The following KCNJ9 variants were observed in gnomAD, a reference collection of about 807,000 sequenced individuals.
KCNJ9 encodes G protein-activated inward rectifier potassium channel 3.
Under a neutral mutation model 27.9 loss-of-function variants are expected in KCNJ9, and 18 were observed. The observed-to-expected ratio is 0.65, with a 90% confidence interval of 0.45 to 0.96. KCNJ9 has a LOEUF of 0.96. KCNJ9 is among the 40% of genes least tolerant of loss of function. KCNJ9 has a pLI of 0.00. For synonymous variants in KCNJ9, 229 were observed against 248.2 expected (o/e 0.92, Z 0.73); for missense variants, 324 against 557.5 (o/e 0.58, Z 4.22).
chr1:160,087,450 G>T (rs8192542), intron 2 of KCNJ9, 36 bp from the exon 3 acceptor site: 61,369 of 1,556,430 alleles, frequency 0.039, 1,406 homozygotes, highest in Middle Eastern at 0.1. Flanking sequence ...GAAGCCTGGA[G>T]CTGAGATTCC....
chr1:160,088,810 CA>C lies in KCNJ9; in HGVS notation c.*997del. On this transcript the variant is annotated 3_prime_UTR_variant, in exon 3 of 3. Transcript: ENST00000368088. ...CATTCAAAAACCTGGTTCCTGTCCT[CA>C]AAATAAGGGGCACCTGGGAAAACAG... The C allele has an allele frequency of 1.3e-5, 2 of 152,356 alleles. No individual in the cohort carries two copies. The highest frequency in any genetic ancestry group is 6.8e-3 in the Middle Eastern group (2 of 294). 9.4% of individuals were successfully genotyped at this position (152,356 alleles called of 1,614,324 possible). A position where few individuals can be genotyped will look rare whatever the true frequency, so the allele number is the denominator to read the frequency against.
chr1:160,085,904 T>A (rs1216195564), intron 2 of KCNJ9, among the ~76,000 whole-genome samples: 1 of 152,152 alleles, frequency 6.6e-6, no homozygotes, highest in African/African-American at 2.4e-5. Context: ...AGGCTGAGAC[T>A]CCGCTTCACA....
chr1:160,088,928 G>C lies in KCNJ9; in HGVS notation c.*1111G>C, dbSNP rs965445820. ...GGTAGGGGAGTGTGGGTGATCAGAA[G>C]GCTGGGGCCAGTGTAAGGCATAGGG... is the stretch of plus-strand genomic sequence containing the variant. On this transcript the variant is annotated 3_prime_UTR_variant, in exon 3 of 3. Coordinates refer to ENST00000368088, the MANE Select transcript of KCNJ9 (RefSeq NM_004983.3). 2 of 152,288 alleles carry C rather than the reference G, an allele frequency of 1.3e-5. No homozygotes were observed. Among genetic ancestry groups the C allele is most frequent in the African/African-American group, 2.4e-5 (1 of 41,448 alleles). 9.4% of individuals were successfully genotyped at this position (152,288 alleles called of 1,614,324 possible). A position where few individuals can be genotyped will look rare whatever the true frequency, so the allele number is the denominator to read the frequency against.
chr1:160,084,331 G>A lies in KCNJ9; in HGVS notation c.301G>A (p.Val101Ile), dbSNP rs1649737583. Residue 101 changes from valine to isoleucine, a missense_variant, in exon 2 of 3, where the codon GTC becomes ATC. By Grantham distance (29) the Val-to-Ile change is conservative. Transcript: ENST00000368088. ...GGAGGACACCGCGTGGACGCCGTGC[G>A]TCAACAACCTCAACGGCTTCGTGGC... ...HLEDTAWTPC[V>I]NNLNGFVAAF... 3 of 1,613,540 alleles carry A rather than the reference G, an allele frequency of 1.9e-6. No homozygotes were observed. Among genetic ancestry groups the A allele is most frequent in the Non-Finnish European group, 2.5e-6 (3 of 1,179,960 alleles).
Position 160,083,749 on chromosome 1 carries a change from A to G in KCNJ9, c.-114-168A>G, listed in dbSNP as rs557899305. Among the ~76,000 whole-genome samples, 289 of 152,258 alleles carry G rather than the reference A, an allele frequency of 1.9e-3. 1 individual carries two copies. The highest frequency in any genetic ancestry group is 3.5e-3 in the Admixed American group (54 of 15,304). On this transcript the variant is annotated intron_variant, in intron 1 of 2. Coordinates refer to ENST00000368088, the MANE Select transcript of KCNJ9 (RefSeq NM_004983.3). ...TACATCATTCCATTTGACCCTCACA[A>G]CTTTCTGAGCCTGGGGGGCAGTTAG...
At chr1:160,083,788 A>C (rs2101945169) in intron 1 of KCNJ9, 129 bp from the exon 2 acceptor site, 1 of 280,512 alleles carries the variant, frequency 3.6e-6, no homozygotes, top group East Asian at 6.5e-5. Flanking sequence ...TGAATGTGTT[A>C]TTCCCAGAAA....
rs1420375629 is a variant in KCNJ9, at chr1:160,084,581, G to A, written c.551G>A (p.Gly184Glu). The change falls in exon 2 of 3, where the codon GGG becomes GAG. Residue 184 changes from glycine (G) to glutamate (E), a missense_variant. Transcript: ENST00000368088. ...CACGCCGTGGTGTCGCTGCGCGACG[G>A]GCGCCTCTGCCTCATGTTCCGCGTG... Reference protein sequence around the residue: ...SSHAVVSLRDGRLCLMFRVGD... With the variant: ...SSHAVVSLRDERLCLMFRVGD... The A allele has an allele frequency of 1.2e-6, 2 of 1,610,506 alleles. No individual in the cohort carries two copies. Among genetic ancestry groups the A allele is most frequent in the African/African-American group, 1.3e-5 (1 of 74,898 alleles).
At chr1:160,087,371 T>G in intron 2 of KCNJ9, 115 bp from the exon 3 acceptor site, 2 of 1,348,776 alleles carry the variant, frequency 1.5e-6, no homozygotes, top group South Asian at 1.9e-5. Flanking sequence ...CAAAGGGAGG[T>G]GGGAGCCCTT....
rs3001040 is a variant in KCNJ9 at position 160,087,732 on chromosome 1, C to G, written c.1097C>G (p.Ala366Gly). The change falls in exon 3 of 3, where the codon GCG becomes GGG. Residue 366 changes from alanine (A) to glycine (G), a missense_variant. Transcript: ENST00000368088. ...GATGAGAAGGTGGAGGAGGAGGGGG[C>G]GGGGGAGGGGGCGGGTGGGGAAGCT... ...RLDEKVEEEGAGEGAGGEAGA... is the reference protein window; with the variant it reads ...RLDEKVEEEGGGEGAGGEAGA... 1.7e-4 allele frequency: 141 copies of G among 828,426 alleles called. No homozygotes were observed. In the South Asian group the frequency reaches 2.8e-3, roughly 16 times the overall value. The allele number at this position is 828,426 out of a possible 1,614,324, so 51.3% of individuals were successfully genotyped here. A position where few individuals can be genotyped will look rare whatever the true frequency, so the allele number is the denominator to read the frequency against.
At chr1:160,085,712 C>G (rs1372623558) in intron 2 of KCNJ9, among the ~76,000 whole-genome samples, 2 of 152,188 alleles carry the variant, frequency 1.3e-5, no homozygotes, top group Non-Finnish European at 2.9e-5. Flanking sequence ...TTACAGGAGT[C>G]GCAAAGGAGG....
chr1:160,084,402 G>A lies in KCNJ9; in HGVS notation c.372G>A (p.Gly124=). ...SIETETTIGY[G]HRVITDQCPE... ...AGACCGAGACCACCATCGGCTACGG[G>A]CACCGCGTCATCACCGACCAGTGCC... is the stretch of plus-strand genomic sequence containing the variant. Residue 124 remains glycine, a synonymous_variant, in exon 2 of 3, where the codon GGG becomes GGA. Coordinates refer to ENST00000368088, the MANE Select transcript of KCNJ9 (RefSeq NM_004983.3). The A allele has an allele frequency of 6.2e-7, 1 of 1,613,468 alleles. No homozygotes were observed.
In KCNJ9 at chr1:160,084,576, C is replaced by G; in HGVS notation, c.546C>G (p.Arg182=). ...CCTCGCACGCCGTGGTGTCGCTGCGCGACGGGCGCCTCTGCCTCATGTTCC... is the reference window on the plus strand; with the variant it reads ...CCTCGCACGCCGTGGTGTCGCTGCGGGACGGGCGCCTCTGCCTCATGTTCC... ...VFSSHAVVSL[R]DGRLCLMFRV... Residue 182 remains arginine, a synonymous_variant, in exon 2 of 3, where the codon CGC becomes CGG. Coordinates refer to ENST00000368088, the MANE Select transcript of KCNJ9 (RefSeq NM_004983.3). 1 of 1,610,690 alleles carries G rather than the reference C, an allele frequency of 6.2e-7. No homozygotes were observed. The highest frequency in any genetic ancestry group is 1.1e-5 in the South Asian group (1 of 90,720).
rs1224709173 is a variant in KCNJ9 at position 160,084,837 on chromosome 1, C to T, written c.807C>T (p.Asp269=). ...CGCGCCGTGCCCTCGAGAGGGACGACTTCGAGATCGTCGTTATCCTCGAGG... is the reference window on the plus strand; with the variant it reads ...CGCGCCGTGCCCTCGAGAGGGACGATTTCGAGATCGTCGTTATCCTCGAGG... ...EASRRALERD[D]FEIVVILEGM... is the part of the protein sequence containing the mutation. Residue 269 remains aspartate, a synonymous_variant, in exon 2 of 3, where the codon GAC becomes GAT. Coordinates refer to ENST00000368088, the MANE Select transcript of KCNJ9 (RefSeq NM_004983.3). The T allele has an allele frequency of 6.5e-7, 1 of 1,543,974 alleles. No individual in the cohort carries two copies. The highest frequency in any genetic ancestry group is 2.0e-5 in the Admixed American group (1 of 50,940).
In KCNJ9 at chr1:160,090,180, T is replaced by A. The variant is rs942704049; in HGVS notation, c.*2363T>A. 6.6e-6 allele frequency: 1 copy of A among 152,088 alleles called. No individual in the cohort carries two copies. The highest frequency in any genetic ancestry group is 1.9e-4 in the East Asian group (1 of 5,184). The allele number at this position is 152,088 out of a possible 1,614,324, so 9.4% of individuals were successfully genotyped here. A position where few individuals can be genotyped will look rare whatever the true frequency, so the allele number is the denominator to read the frequency against. ...CATTGACTGGTCCCCTAAGAACAGA[T>A]GTTGGGATGGAGAATGGGGATTCAT... On this transcript the variant is annotated 3_prime_UTR_variant, in exon 3 of 3. Transcript: ENST00000368088.
In KCNJ9 at chr1:160,083,919, C is replaced by A; in HGVS notation, c.-112C>A. The A allele has an allele frequency of 9.9e-7, 1 of 1,009,900 alleles. No individual in the cohort carries two copies. The highest frequency in any genetic ancestry group is 5.0e-5 in the South Asian group (1 of 20,004). The allele number at this position is 1,009,900 out of a possible 1,614,324, so 62.6% of individuals were successfully genotyped here. A position where few individuals can be genotyped will look rare whatever the true frequency, so the allele number is the denominator to read the frequency against. ...TCATTCGGCAAACCTTTATTAAGCC[C>A]CTCCAGGACCCCCGACGCCGCCTAG... is the stretch of plus-strand genomic sequence containing the variant. On this transcript the variant is annotated splice_region_variant and 5_prime_UTR_variant, in exon 2 of 3. Transcript: ENST00000368088.
chr1:160,088,559 C>T lies in KCNJ9; in HGVS notation c.*742C>T, dbSNP rs893383176. ...CCTGAGCTGGGGCCTGGAGAGGGGCCTGGGAAAGGAAAACCAGGGATAGCT... is the reference window on the plus strand; with the variant it reads ...CCTGAGCTGGGGCCTGGAGAGGGGCTTGGGAAAGGAAAACCAGGGATAGCT... On this transcript the variant is annotated 3_prime_UTR_variant, in exon 3 of 3. Transcript: ENST00000368088. 1 of 152,566 alleles carries T rather than the reference C, an allele frequency of 6.6e-6. No homozygotes were observed. Among genetic ancestry groups the T allele is most frequent in the Admixed American group, 6.5e-5 (1 of 15,272 alleles). The allele number at this position is 152,566 out of a possible 1,614,324, so 9.5% of individuals were successfully genotyped here.
Position 160,087,376 on chromosome 1 carries a change from G to A in KCNJ9, c.851-110G>A, listed in dbSNP as rs1649796210. On this transcript the variant is annotated intron_variant, in intron 2 of 2. Coordinates refer to ENST00000368088, the MANE Select transcript of KCNJ9 (RefSeq NM_004983.3). ...TGGACTGGACCAAAGGGAGGTGGGA[G>A]CCCTTAGGAAGGAATAGAAGGGAGG... 3 of 1,385,312 alleles carry A rather than the reference G, an allele frequency of 2.2e-6. No homozygotes were observed. In the Admixed American group the frequency reaches 9.2e-5, roughly 42 times the overall value. 85.8% of individuals were successfully genotyped at this position (1,385,312 alleles called of 1,614,324 possible). A position where few individuals can be genotyped will look rare whatever the true frequency, so the allele number is the denominator to read the frequency against.
intron 2 of KCNJ9, 126 bp downstream of exon 2, chr1:160,085,006 C>CA (rs1388499374): frequency 1.8e-6 from 2 of 1,105,538 alleles, no homozygotes; most frequent in Non-Finnish European, 2.5e-6. Context: ...GAGGATGAGA[C>CA]AGTGAGGTGA....
intron 1 of KCNJ9, among the ~76,000 whole-genome samples, chr1:160,082,873 G>T (rs1367123900): frequency 1.3e-5 from 2 of 152,074 alleles, no homozygotes; most frequent in Non-Finnish European, 2.9e-5. Context: ...CTCCTCAGAG[G>T]CAAGCATGTG....
Sources: allele counts gnomAD v4.1 joint callset (sites outside exome capture counted in the v4.1 genomes callset), GRCh38; gene constraint gnomAD v4.1.1; transcripts MANE v1.5; gene names NCBI Gene and HGNC (gene_info 2026-07-23, HGNC 2026-07-21).